Variants in TTLL11 observed in about 807,000 individuals in gnomAD.
TTLL11 encodes the protein tubulin polyglutamylase TTLL11.
Under a neutral mutation model 51.7 loss-of-function variants are expected in TTLL11, and 42 were observed. That is an observed-to-expected ratio of 0.81 (90% CI 0.64 to 1.05). TTLL11 has a LOEUF of 1.05. Among genes scored for constraint, TTLL11 ranks in the 50% least tolerant of loss-of-function variants. The pLI, the probability that TTLL11 is intolerant of heterozygous loss-of-function variation, is 0.00. For synonymous variants in TTLL11, 381 were observed against 383.5 expected (o/e 0.99, Z 0.08); for missense variants, 799 against 940.4 (o/e 0.85, Z 1.97).
intron 6 of TTLL11, among the ~76,000 whole-genome samples, chr9:121,964,194 C>T (rs989030956): frequency 1.3e-5 from 2 of 151,644 alleles, no homozygotes; most frequent in Non-Finnish European, 1.5e-5. Flanking sequence ...GTTTCGAATA[C>T]TGTGCCAGGG....
At chr9:121,946,821 A>G (rs1329407211) in intron 6 of TTLL11, among the ~76,000 whole-genome samples, 1 of 152,164 alleles carries the variant, frequency 6.6e-6, no homozygotes, top group East Asian at 1.9e-4. Flanking sequence ...CAGGCAGAGA[A>G]GTTCCCTATT....
At chr9:121,844,168 C>T (rs1038562244) in intron 8 of TTLL11, among the ~76,000 whole-genome samples, 3 of 152,114 alleles carry the variant, frequency 2.0e-5, no homozygotes, top group African/African-American at 4.8e-5. Context: ...GTTTCTCTAC[C>T]CAGCACCTTA....
At chr9:121,857,304 C>G (rs74791042) in intron 8 of TTLL11, among the ~76,000 whole-genome samples, 1 of 152,198 alleles carries the variant, frequency 6.6e-6, no homozygotes, top group Non-Finnish European at 1.5e-5. Context: ...AGCCCTGCCC[C>G]CTCTGTATCA....
intron 4 of TTLL11, among the ~76,000 whole-genome samples, chr9:121,982,063 C>T (rs999419792): frequency 3.9e-5 from 6 of 152,148 alleles, no homozygotes; most frequent in Non-Finnish European, 8.8e-5. Flanking sequence ...TGTAATTCTG[C>T]CCCACAAATT....
chr9:122,016,825 T>A (rs773185392), intron 3 of TTLL11, among the ~76,000 whole-genome samples: 2 of 152,192 alleles, frequency 1.3e-5, no homozygotes, highest in Non-Finnish European at 2.9e-5. Context: ...AATACTGTTT[T>A]GATAACAAAA....
chr9:122,001,540 G>A (rs1269068549), intron 3 of TTLL11, among the ~76,000 whole-genome samples: 2 of 151,508 alleles, frequency 1.3e-5, no homozygotes, highest in Admixed American at 6.6e-5. Context: ...GGCGGGACAG[G>A]GAAGCTAAGC....
chr9:121,860,400 CCACGGCAGCCATGGA>C lies in TTLL11; in HGVS notation c.1762_1776del (p.Ser588_Val592del). ...CGTGTGATGTCAATGTAGAGGATGTCCACGGCAGCCATGGACAGGCTGCTGCTGCTGAGTTTGCAG... is the reference window on the plus strand; with the variant it reads ...CGTGTGATGTCAATGTAGAGGATGTCCAGGCTGCTGCTGCTGAGTTTGCAG... On this transcript the variant is annotated inframe_deletion, in exon 8 of 9. Transcript: ENST00000321582. The C allele has an allele frequency of 6.4e-7, 1 of 1,551,426 alleles. No homozygotes were observed. Among genetic ancestry groups the C allele is most frequent in the East Asian group, 2.4e-5 (1 of 40,914 alleles).
Position 121,942,666 on chromosome 9 carries a change from C to T in TTLL11, c.1481+31343G>A, listed in dbSNP as rs76166887. On this transcript the variant is annotated intron_variant, in intron 6 of 8. Coordinates refer to ENST00000321582, the MANE Select transcript of TTLL11 (RefSeq NM_001139442.2). ...TCTCTGAGCCTGACATTCAGGCTCTCGCAGTCTAGTTCTGACCTGCCAAAA... is the reference window on the plus strand; with the variant it reads ...TCTCTGAGCCTGACATTCAGGCTCTTGCAGTCTAGTTCTGACCTGCCAAAA... 2.4e-4 allele frequency among the ~76,000 whole-genome samples: 36 copies of T among 151,728 alleles called. No individual in the cohort carries two copies. In the East Asian group the frequency reaches 5.2e-3, roughly 22 times the overall value.
intron 8 of TTLL11, among the ~76,000 whole-genome samples, chr9:121,832,956 A>C (rs1339636565): frequency 1.3e-5 from 2 of 152,188 alleles, no homozygotes; most frequent in Non-Finnish European, 2.9e-5. Flanking sequence ...AACAAAAAAC[A>C]GACAAACAAA....
intron 8 of TTLL11, among the ~76,000 whole-genome samples, chr9:121,825,252 C>T (rs1471732506): frequency 6.6e-6 from 1 of 152,024 alleles, no homozygotes; most frequent in Non-Finnish European, 1.5e-5. Flanking sequence ...GTGGGAGGGT[C>T]AGATACACAC....
chr9:122,020,427 C>A (rs1385052263), intron 3 of TTLL11, among the ~76,000 whole-genome samples: 4 of 152,302 alleles, frequency 2.6e-5, no homozygotes, highest in African/African-American at 9.6e-5. Context: ...ATTTAAATAT[C>A]CTCCCACATT....
intron 3 of TTLL11, among the ~76,000 whole-genome samples, chr9:122,024,343 G>C (rs756125083): frequency 6.6e-5 from 10 of 152,174 alleles, no homozygotes; most frequent in African/African-American, 9.6e-5. Flanking sequence ...AAGACTCATT[G>C]TTAAGATGTT....
chr9:122,061,308 G>A (rs560489635), intron 1 of TTLL11, among the ~76,000 whole-genome samples: 1 of 152,248 alleles, frequency 6.6e-6, no homozygotes, highest in Non-Finnish European at 1.5e-5. Flanking sequence ...TACTGGTTAG[G>A]GCTTGGACAT....
chr9:121,892,722 T>G (rs1839296434), intron 6 of TTLL11, among the ~76,000 whole-genome samples: 1 of 152,208 alleles, frequency 6.6e-6, no homozygotes, highest in Admixed American at 6.5e-5. Context: ...GATGGCAATG[T>G]CCCGCCACAT....
chr9:121,909,846 G>C (rs189997012), intron 6 of TTLL11, among the ~76,000 whole-genome samples: 1 of 152,252 alleles, frequency 6.6e-6, no homozygotes, highest in Non-Finnish European at 1.5e-5. Context: ...GACTTGGGTA[G>C]AGCTGAGTGG....
intron 6 of TTLL11, among the ~76,000 whole-genome samples, chr9:121,892,159 T>C (rs1839267268): frequency 6.8e-6 from 1 of 146,560 alleles, no homozygotes; most frequent in African/African-American, 2.5e-5. Flanking sequence ...TACATATACA[T>C]ATATACACAG....
chr9:122,023,288 G>T (rs1167480941), intron 3 of TTLL11, among the ~76,000 whole-genome samples: 3 of 151,826 alleles, frequency 2.0e-5, no homozygotes, highest in East Asian at 1.9e-4. Flanking sequence ...ATCTATCAAA[G>T]AAATTGAATT....
chr9:121,897,702 A>C (rs1382127785), intron 6 of TTLL11, among the ~76,000 whole-genome samples: 1 of 150,690 alleles, frequency 6.6e-6, no homozygotes, highest in African/African-American at 2.4e-5. Flanking sequence ...GAGCCCTTAA[A>C]GGCCACCTCC....
At chr9:121,877,428 G>A (rs1229959077) in intron 6 of TTLL11, among the ~76,000 whole-genome samples, 5 of 152,130 alleles carry the variant, frequency 3.3e-5, no homozygotes, top group Admixed American at 2.0e-4. Context: ...CAGGTGAGGC[G>A]TGGGCTTCCA....
Sources: gnomAD v4.1 joint callset for allele counts (sites outside exome capture counted in the v4.1 genomes callset) on GRCh38, gnomAD v4.1.1 for gene constraint, MANE v1.5 for transcripts, NCBI Gene and HGNC (gene_info 2026-07-23, HGNC 2026-07-21) for gene names.